The following RBMS3 variants were observed in gnomAD, a reference collection of about 807,000 sequenced individuals.
The protein encoded by RBMS3 is RNA binding motif single stranded interacting protein 3, also known as RNA-binding motif, single-stranded-interacting protein 3.
Under a neutral mutation model 66.8 loss-of-function variants are expected in RBMS3, and 27 were observed. The observed-to-expected ratio is 0.40, with a 90% CI of 0.30 to 0.56. The LOEUF (loss-of-function observed/expected upper bound fraction) is 0.56. RBMS3 is among the 20% of genes least tolerant of loss of function. RBMS3 has a pLI of 0.40. For missense variants in RBMS3, 513 were observed against 549.5 expected (o/e 0.93, Z 0.66); for synonymous variants, 188 against 183.0 (o/e 1.03, Z -0.22).
chr3:29,999,927 TA>T (rs1207377230), intron 14 of RBMS3, among the ~76,000 whole-genome samples: 2 of 150,816 alleles, frequency 1.3e-5, no homozygotes, highest in African/African-American at 4.9e-5. Flanking sequence ...AATAATAATT[TA>T]AAAAAAGACC....
intron 4 of RBMS3, among the ~76,000 whole-genome samples, chr3:29,701,968 G>T (rs992404198): frequency 3.3e-5 from 5 of 152,344 alleles, no homozygotes; most frequent in Admixed American, 3.3e-4. Context: ...CGCGGCCGTG[G>T]CGCGGGATCC....
chr3:29,347,927 C>T (rs190789357), intron 1 of RBMS3, among the ~76,000 whole-genome samples: 58 of 152,246 alleles, frequency 3.8e-4, no homozygotes, highest in African/African-American at 1.2e-3. Flanking sequence ...TTAATATACT[C>T]AATAAAGTTG....
intron 2 of RBMS3, among the ~76,000 whole-genome samples, chr3:29,481,698 C>T (rs144825004): frequency 1.3e-5 from 2 of 152,246 alleles, no homozygotes; most frequent in African/African-American, 4.8e-5. Flanking sequence ...TGTGAATTGA[C>T]TTGGAGTACA....
chr3:29,470,270 A>G (rs1046704328), intron 2 of RBMS3, among the ~76,000 whole-genome samples: 2 of 151,958 alleles, frequency 1.3e-5, no homozygotes, highest in Non-Finnish European at 2.9e-5. Flanking sequence ...AAATACTTTA[A>G]AATACCCAGC....
chr3:29,825,588 C>T (rs1352687826), intron 6 of RBMS3, among the ~76,000 whole-genome samples: 3 of 152,092 alleles, frequency 2.0e-5, no homozygotes, highest in African/African-American at 7.2e-5. Context: ...TTGCCTGCCG[C>T]CATGTAAGAC....
intron 5 of RBMS3, among the ~76,000 whole-genome samples, chr3:29,761,405 T>G (rs992529022): frequency 6.6e-6 from 1 of 152,126 alleles, no homozygotes; most frequent in Admixed American, 6.6e-5. Flanking sequence ...TCAGTTAATT[T>G]TTAAGAATTT....
intron 1 of RBMS3, among the ~76,000 whole-genome samples, chr3:29,342,145 A>G (rs1559501860): frequency 6.6e-6 from 1 of 152,200 alleles, no homozygotes; most frequent in Non-Finnish European, 1.5e-5. Context: ...AATCAAGAAT[A>G]GTCTGTGCTG....
At chr3:29,391,482 C>T (rs1271845543) in intron 1 of RBMS3, among the ~76,000 whole-genome samples, 1 of 152,016 alleles carries the variant, frequency 6.6e-6, no homozygotes, top group Non-Finnish European at 1.5e-5. Context: ...GAGAAGAGTT[C>T]AATTAGAAAA....
At chr3:29,308,055 T>C (rs1051363567) in intron 1 of RBMS3, among the ~76,000 whole-genome samples, 4 of 151,970 alleles carry the variant, frequency 2.6e-5, no homozygotes, top group African/African-American at 9.7e-5. Context: ...TTCTATATAT[T>C]GGAAACCCAA....
At chr3:29,343,543 G>A (rs745462180) in intron 1 of RBMS3, among the ~76,000 whole-genome samples, 8 of 151,634 alleles carry the variant, frequency 5.3e-5, no homozygotes, top group Non-Finnish European at 1.0e-4. Flanking sequence ...CCTTATTTAT[G>A]AACAGTTTTT....
chr3:29,599,821 C>T (rs1213773835), intron 4 of RBMS3, among the ~76,000 whole-genome samples: 1 of 152,044 alleles, frequency 6.6e-6, no homozygotes, highest in Non-Finnish European at 1.5e-5. Context: ...TATACTCAGA[C>T]TTCTGCGTGA....
chr3:29,344,114 T>G (rs1320112838), intron 1 of RBMS3, among the ~76,000 whole-genome samples: 2 of 152,162 alleles, frequency 1.3e-5, no homozygotes, highest in African/African-American at 4.8e-5. Flanking sequence ...TTTTTCTCCC[T>G]TTTCTCCTCC....
intron 4 of RBMS3, among the ~76,000 whole-genome samples, chr3:29,601,093 G>A (rs2048126977): frequency 6.6e-6 from 1 of 151,870 alleles, no homozygotes; most frequent in South Asian, 2.1e-4. Flanking sequence ...GGTACTGATT[G>A]TGACAATTGA....
At position 29,638,682 on chromosome 3, in the gene RBMS3, G is replaced by A. The variant is rs373428607; in HGVS notation, c.399+51477G>A. On this transcript the variant is annotated intron_variant, in intron 4 of 14. Transcript: ENST00000383767. Reference sequence around the variant, plus strand: ...CAGTTGCATTTTAGGTGAATGTTTTGTAAAGCATTTGAAATCTGCAAAGAT... The same window carrying A: ...CAGTTGCATTTTAGGTGAATGTTTTATAAAGCATTTGAAATCTGCAAAGAT... Among the ~76,000 whole-genome samples the A allele has an allele frequency of 5.1e-4, 77 of 151,914 alleles. 1 individual carries two copies. The highest frequency in any genetic ancestry group is 9.9e-4 in the Admixed American group (15 of 15,200).
intron 5 of RBMS3, among the ~76,000 whole-genome samples, chr3:29,747,293 C>T (rs1177995813): frequency 6.6e-6 from 1 of 152,134 alleles, no homozygotes; most frequent in East Asian, 1.9e-4. Context: ...CTTAGTTCTG[C>T]ACCTCTTACT....
In RBMS3 at chr3:29,281,444, G is replaced by T. The variant is rs868686908; in HGVS notation, c.-238G>T. 2 of 537,138 alleles carry T rather than the reference G, an allele frequency of 3.7e-6. No homozygotes were observed. The highest frequency in any genetic ancestry group is 3.7e-5 in the Admixed American group (1 of 26,844). The allele number at this position is 537,138 out of a possible 1,614,324, so 33.3% of individuals were successfully genotyped here. A position where few individuals can be genotyped will look rare whatever the true frequency, so the allele number is the denominator to read the frequency against. On this transcript the variant is annotated 5_prime_UTR_variant, in exon 1 of 15. Coordinates refer to ENST00000383767, the MANE Select transcript of RBMS3 (RefSeq NM_001003793.3). ...GCAAGATCTGGGAAGGCTGTGTGTG[G>T]GTGTTTTTTCTACAGATCTCACTCC...
chr3:29,679,277 C>T (rs2051386436), intron 4 of RBMS3, among the ~76,000 whole-genome samples: 1 of 152,118 alleles, frequency 6.6e-6, no homozygotes, highest in African/African-American at 2.4e-5. Context: ...TTCGACTCAA[C>T]ATATACCCAT....
intron 3 of RBMS3, among the ~76,000 whole-genome samples, chr3:29,569,719 T>G (rs1437163485): frequency 6.6e-6 from 1 of 152,168 alleles, no homozygotes; most frequent in Non-Finnish European, 1.5e-5. Context: ...AAAAAAGATC[T>G]TTGAATGAAA....
At chr3:29,853,124 C>T (rs1481183994) in intron 6 of RBMS3, among the ~76,000 whole-genome samples, 1 of 152,048 alleles carries the variant, frequency 6.6e-6, no homozygotes, top group Non-Finnish European at 1.5e-5. Context: ...CACATGGACA[C>T]ATAGAGAGGA....
Sources: allele counts gnomAD v4.1 joint callset (sites outside exome capture counted in the v4.1 genomes callset), GRCh38; gene constraint gnomAD v4.1.1; transcripts MANE v1.5; gene names NCBI Gene and HGNC (gene_info 2026-07-23, HGNC 2026-07-21).